LNPEP: variants seen among roughly 807,000 people sequenced by gnomAD.
LNPEP encodes the protein leucyl-cystinyl aminopeptidase.
In LNPEP, 64 loss-of-function variants were observed where a neutral mutation model predicts 120.6. The observed-to-expected ratio is 0.53, with a 90% CI of 0.43 to 0.65. LNPEP has a LOEUF of 0.65. Ranked by LOEUF, LNPEP falls within the 30% of genes least tolerant of loss-of-function variation. LNPEP has a pLI of 0.00. For missense variants in LNPEP, 1,057 were observed against 1,200.0 expected (o/e 0.88, Z 1.76); for synonymous variants, 435 against 425.4 (o/e 1.02, Z -0.28).
At chr5:96,969,432 A>C (rs1033383327) in intron 1 of LNPEP, among the ~76,000 whole-genome samples, 2 of 152,038 alleles carry the variant, frequency 1.3e-5, no homozygotes, top group African/African-American at 4.8e-5. Flanking sequence ...TTACTGGCTA[A>C]ATAATTTTGT....
intron 1 of LNPEP, among the ~76,000 whole-genome samples, chr5:96,949,045 G>A (rs1265762807): frequency 6.6e-6 from 1 of 152,196 alleles, no homozygotes; most frequent in Non-Finnish European, 1.5e-5. Context: ...GATAAGTGGT[G>A]GTTTGAGCAT....
At position 96,994,033 on chromosome 5, in the gene LNPEP, T is replaced by A. The variant is rs1244385421; in HGVS notation, c.1407+62T>A. The A allele has an allele frequency of 5.1e-6, 7 of 1,381,000 alleles. No homozygotes were observed. The Admixed American group carries it at 1.5e-4, about 30-fold the overall frequency. The allele number at this position is 1,381,000 out of a possible 1,614,324, so 85.5% of individuals were successfully genotyped here. Reference sequence around the variant, plus strand: ...GGTCTACTTCATGTCCTGGAGTTATTGTTAGCATTTAGATGCTAATAATTC... The same window carrying A: ...GGTCTACTTCATGTCCTGGAGTTATAGTTAGCATTTAGATGCTAATAATTC... On this transcript the variant is annotated intron_variant, in intron 6 of 17. Transcript: ENST00000231368.
chr5:97,026,530 A>G (rs1384217932), intron 15 of LNPEP, 87 bp from the exon 16 acceptor site: 11 of 1,042,920 alleles, frequency 1.1e-5, no homozygotes. Flanking sequence ...AGCTTTAATT[A>G]GGAAACCATA....
At chr5:96,960,111 G>T (rs1355481379) in intron 1 of LNPEP, among the ~76,000 whole-genome samples, 1 of 151,208 alleles carries the variant, frequency 6.6e-6, no homozygotes, top group African/African-American at 2.4e-5. Context: ...GCTAATTTTT[G>T]TTTTTTAGTA....
intron 1 of LNPEP, 76 bp downstream of exon 1, chr5:96,936,250 G>A: frequency 8.0e-7 from 1 of 1,247,128 alleles, no homozygotes. Flanking sequence ...GACACGCGGG[G>A]TCGGGCTGCA....
At chr5:96,997,223 C>G (rs564499265) in intron 7 of LNPEP, among the ~76,000 whole-genome samples, 8 of 152,082 alleles carry the variant, frequency 5.3e-5, no homozygotes, top group Admixed American at 2.6e-4. Flanking sequence ...AATTTTTTGA[C>G]TTTCTATTAA....
chr5:97,014,819 G>A, intron 12 of LNPEP, 120 bp from the exon 13 acceptor site: 2 of 546,432 alleles, frequency 3.7e-6, no homozygotes. Context: ...AAATGCCACT[G>A]TAAGTTTAAA....
In LNPEP at chr5:96,963,877, T is replaced by G. The variant is rs75876237; in HGVS notation, c.20-15261T>G. Among the ~76,000 whole-genome samples, 1,084 of 152,304 alleles carry G rather than the reference T, an allele frequency of 7.1e-3. 15 individuals are homozygous for G. The highest frequency in any genetic ancestry group is 0.025 in the African/African-American group (1,020 of 41,560). On this transcript the variant is annotated intron_variant, in intron 1 of 17. Coordinates refer to ENST00000231368, the MANE Select transcript of LNPEP (RefSeq NM_005575.3). ...AGTATATTGATCACCCATGCATTTATCATTTGCTTGCAGTGAGAACATTCA... is the reference window on the plus strand; with the variant it reads ...AGTATATTGATCACCCATGCATTTAGCATTTGCTTGCAGTGAGAACATTCA...
chr5:96,954,731 T>C (rs573323062), intron 1 of LNPEP, among the ~76,000 whole-genome samples: 2 of 107,702 alleles, frequency 1.9e-5, no homozygotes, highest in South Asian at 5.5e-4. Flanking sequence ...TACATATATA[T>C]ATACATATAT....
Position 97,033,051 on chromosome 5 carries a change from T to C in LNPEP, c.*4518T>C, listed in dbSNP as rs1474513803. 1 of 152,210 alleles carries C rather than the reference T, an allele frequency of 6.6e-6. No homozygotes were observed. Among genetic ancestry groups the C allele is most frequent in the Non-Finnish European group, 1.5e-5 (1 of 68,056 alleles). 9.4% of individuals were successfully genotyped at this position (152,210 alleles called of 1,614,324 possible). ...TACTGCCTATTTAGGCAATAGCTAA[T>C]AGAGTAGTTTGTTTTGTTTTGGGGT... On this transcript the variant is annotated 3_prime_UTR_variant, in exon 18 of 18. Transcript: ENST00000231368.
At chr5:97,019,547 T>C (rs1310492914) in intron 13 of LNPEP, among the ~76,000 whole-genome samples, 4 of 152,210 alleles carry the variant, frequency 2.6e-5, no homozygotes, top group Non-Finnish European at 4.4e-5. Context: ...AATGATTTCA[T>C]ATGGAGACTA....
At chr5:96,966,124 A>T (rs1789718278) in intron 1 of LNPEP, among the ~76,000 whole-genome samples, 1 of 152,050 alleles carries the variant, frequency 6.6e-6, no homozygotes, top group South Asian at 2.1e-4. Flanking sequence ...TAGCACTGTA[A>T]TGTTGATTTT....
Position 97,033,399 on chromosome 5 carries a change from C to T in LNPEP, c.*4866C>T, listed in dbSNP as rs1378186985. The T allele has an allele frequency of 6.6e-6, 1 of 152,170 alleles. No individual in the cohort carries two copies. The highest frequency in any genetic ancestry group is 1.9e-4 in the East Asian group (1 of 5,202). 9.4% of individuals were successfully genotyped at this position (152,170 alleles called of 1,614,324 possible). A position where few individuals can be genotyped will look rare whatever the true frequency, so the allele number is the denominator to read the frequency against. On this transcript the variant is annotated 3_prime_UTR_variant, in exon 18 of 18. Transcript: ENST00000231368. ...CCCAGACTGAAAGGTACCTAATGAACCATGGAGTTCCGGATGTATAACAGT... is the reference window on the plus strand; with the variant it reads ...CCCAGACTGAAAGGTACCTAATGAATCATGGAGTTCCGGATGTATAACAGT...
chr5:97,008,658 T>C (rs1290302951), intron 11 of LNPEP, among the ~76,000 whole-genome samples: 3 of 128,118 alleles, frequency 2.3e-5, no homozygotes, highest in Admixed American at 8.6e-5. Flanking sequence ...GGCTCCTCTT[T>C]ACTCTTTTTT....
intron 4 of LNPEP, 45 bp downstream of exon 4, chr5:96,986,715 C>T (rs38034): frequency 0.42 from 667,144 of 1,584,016 alleles, 142,061 homozygotes; most frequent in Non-Finnish European, 0.44. Context: ...TCACAAGAGG[C>T]TCAGAGGACC....
chr5:96,948,413 C>T (rs757078847), intron 1 of LNPEP, among the ~76,000 whole-genome samples: 6 of 152,232 alleles, frequency 3.9e-5, no homozygotes, highest in Non-Finnish European at 5.9e-5. Flanking sequence ...CCACCACGCC[C>T]AGCCCAGATT....
Position 97,036,521 on chromosome 5 carries a change from A to G in LNPEP, c.*7988A>G, listed in dbSNP as rs779609684. On this transcript the variant is annotated 3_prime_UTR_variant, in exon 18 of 18. Transcript: ENST00000231368. ...ATATCACACTGTCTCCTCATCTACC[A>G]TATGGTAAATGTTAAAACTCCACAT... The G allele has an allele frequency of 2.0e-5, 3 of 152,138 alleles. No homozygotes were observed. Among genetic ancestry groups the G allele is most frequent in the African/African-American group, 4.8e-5 (2 of 41,426 alleles). 9.4% of individuals were successfully genotyped at this position (152,138 alleles called of 1,614,324 possible). A position where few individuals can be genotyped will look rare whatever the true frequency, so the allele number is the denominator to read the frequency against.
intron 11 of LNPEP, 65 bp from the exon 12 acceptor site, chr5:97,013,583 C>T (rs1790989968): frequency 7.0e-6 from 6 of 860,790 alleles, no homozygotes; most frequent in Non-Finnish European, 1.0e-5. Context: ...ACAAAGCACT[C>T]ATAATTTTTT....
intron 1 of LNPEP, among the ~76,000 whole-genome samples, chr5:96,938,440 G>C (rs891481956): frequency 6.6e-6 from 1 of 152,122 alleles, no homozygotes; most frequent in Non-Finnish European, 1.5e-5. Flanking sequence ...CAGTAATTTA[G>C]GACCACATAT....
Sources: gnomAD v4.1 joint callset for allele counts (sites outside exome capture counted in the v4.1 genomes callset) on GRCh38, gnomAD v4.1.1 for gene constraint, MANE v1.5 for transcripts, NCBI Gene and HGNC (gene_info 2026-07-23, HGNC 2026-07-21) for gene names.